CUL3: variants seen among roughly 807,000 people sequenced by gnomAD.
CUL3 encodes cullin-3.
Under a neutral mutation model 89.1 loss-of-function variants are expected in CUL3, and 19 were observed. That is an observed-to-expected ratio of 0.21 (90% CI 0.15 to 0.31). The LOEUF is 0.31. Among genes scored for constraint, CUL3 ranks in the 10% least tolerant of loss-of-function variants. CUL3 has a pLI of 1.00. For missense variants in CUL3, 469 were observed against 942.3 expected, an observed-to-expected ratio of 0.50 and a Z score of 6.58; for synonymous variants, 351 against 308.4, an observed-to-expected ratio of 1.14 and a Z score of -1.45.
chr2:224,501,705 T>A (rs1219783729), intron 10 of CUL3, among the ~76,000 whole-genome samples: 1 of 152,128 alleles, frequency 6.6e-6, no homozygotes, highest in African/African-American at 2.4e-5. Flanking sequence ...GAGGAGACTC[T>A]TAGATGGTGT....
intron 3 of CUL3, among the ~76,000 whole-genome samples, chr2:224,517,943 T>G (rs957278094): frequency 6.6e-6 from 1 of 152,154 alleles, no homozygotes; most frequent in Non-Finnish European, 1.5e-5. Flanking sequence ...TCACAAGATT[T>G]TATCAATTTA....
chr2:224,575,773 G>A (rs1204642959), intron 1 of CUL3, among the ~76,000 whole-genome samples: 2 of 152,102 alleles, frequency 1.3e-5, no homozygotes, highest in African/African-American at 2.4e-5. Context: ...ACAAACAGAA[G>A]AGCTAGGATA....
intron 13 of CUL3, among the ~76,000 whole-genome samples, chr2:224,486,968 A>C (rs998085484): frequency 6.6e-6 from 1 of 152,134 alleles, no homozygotes; most frequent in Admixed American, 6.5e-5. Context: ...ATATTCAACA[A>C]TCTTAAAGAG....
At chr2:224,557,362 G>A (rs1211822226) in intron 2 of CUL3, among the ~76,000 whole-genome samples, 5 of 137,012 alleles carry the variant, frequency 3.6e-5, no homozygotes, top group Non-Finnish European at 3.3e-5. Context: ...ATCATTTTAA[G>A]GAAAAAAATT....
chr2:224,510,290 GTTTT>G (rs1045204971), intron 6 of CUL3, among the ~76,000 whole-genome samples: 12 of 128,624 alleles, frequency 9.3e-5, no homozygotes, highest in African/African-American at 3.0e-4. Context: ...AGCCTCTCTA[GTTTT>G]TTTTGTTTTT....
intron 3 of CUL3, among the ~76,000 whole-genome samples, chr2:224,522,141 A>G (rs1693291155): frequency 6.6e-6 from 1 of 152,066 alleles, no homozygotes; most frequent in South Asian, 2.1e-4. Context: ...TTGCCTTACC[A>G]AATTTAATCA....
intron 2 of CUL3, among the ~76,000 whole-genome samples, chr2:224,550,622 A>G (rs1694478769): frequency 6.6e-6 from 1 of 152,206 alleles, no homozygotes; most frequent in African/African-American, 2.4e-5. Flanking sequence ...AGCCTAGCCA[A>G]GAGCCAAAAA....
At chr2:224,569,548 A>C in intron 1 of CUL3, 1 of 255,940 alleles carries the variant, frequency 3.9e-6, no homozygotes. Context: ...TCAGAAAAGT[A>C]TCAATAACAA....
chr2:224,492,340 GAAGTT>G (rs1692015031), intron 13 of CUL3, among the ~76,000 whole-genome samples: 1 of 151,982 alleles, frequency 6.6e-6, no homozygotes, highest in South Asian at 2.1e-4. Flanking sequence ...TCTATATTGT[GAAGTT>G]ATGTCCCTAA....
At position 224,470,568 on chromosome 2, in the gene CUL3, T is replaced by G. The variant is rs1691093463; in HGVS notation, c.*3677A>C. Reference sequence around the variant, plus strand: ...GGAAAGGCACACAAAGGAAAACATTTTGTAAAACTGTAGATTTGAATTTAA... The same window carrying G: ...GGAAAGGCACACAAAGGAAAACATTGTGTAAAACTGTAGATTTGAATTTAA... On this transcript the variant is annotated 3_prime_UTR_variant, in exon 16 of 16. Transcript: ENST00000264414. 1 of 231,726 alleles carries G rather than the reference T, an allele frequency of 4.3e-6. No individual in the cohort carries two copies. The highest frequency in any genetic ancestry group is 5.6e-5 in the Admixed American group (1 of 17,736). The allele number at this position is 231,726 out of a possible 1,614,324, so 14.4% of individuals were successfully genotyped here. A position where few individuals can be genotyped will look rare whatever the true frequency, so the allele number is the denominator to read the frequency against.
rs1359654604 is a variant in CUL3, at chr2:224,503,691, A to G, written c.1338T>C (p.Val446=). ...LARRLLTNKS[V]SDDSEKNMIS... ...TCATGTTTTTTTCAGAGTCATCAGA[A>G]ACACTTTTATTTGTGAGAAGTCTCC... Residue 446 remains valine (V), a synonymous_variant, in exon 9 of 16, where the codon GTT becomes GTC. Transcript: ENST00000264414. 6.3e-7 allele frequency: 1 copy of G among 1,599,576 alleles called. No individual in the cohort carries two copies. Among genetic ancestry groups the G allele is most frequent in the Non-Finnish European group, 8.5e-7 (1 of 1,176,038 alleles).
At chr2:224,550,696 G>A (rs1326354899) in intron 2 of CUL3, among the ~76,000 whole-genome samples, 1 of 152,080 alleles carries the variant, frequency 6.6e-6, no homozygotes, top group East Asian at 1.9e-4. Flanking sequence ...AGCAGGTAAC[G>A]TTCTTTCTAC....
intron 1 of CUL3, among the ~76,000 whole-genome samples, chr2:224,579,211 T>C (rs1695380435): frequency 6.6e-6 from 1 of 152,162 alleles, no homozygotes; most frequent in African/African-American, 2.4e-5. Flanking sequence ...ATGACAATAC[T>C]GGCTGTCCCA....
At chr2:224,506,709 TA>T in intron 7 of CUL3, 148 bp downstream of exon 7, 1 of 710,912 alleles carries the variant, frequency 1.4e-6, no homozygotes, top group Non-Finnish European at 2.2e-6. Flanking sequence ...TGCAAAATCC[TA>T]AAATATGTAG....
rs956964478 is a variant in CUL3 at position 224,571,445 on chromosome 2, A to G, written c.66+13499T>C. 3.5e-4 allele frequency among the ~76,000 whole-genome samples: 53 copies of G among 152,178 alleles called. 1 individual carries two copies. Among genetic ancestry groups the G allele is most frequent in the African/African-American group, 1.1e-3 (46 of 41,438 alleles). On this transcript the variant is annotated intron_variant, in intron 1 of 15. Transcript: ENST00000264414. Reference sequence around the variant, plus strand: ...AAACTCTATAAACTGTAAGACAATGACAAATTGATTGTACCTAAATCAATT... The same window carrying G: ...AAACTCTATAAACTGTAAGACAATGGCAAATTGATTGTACCTAAATCAATT...
rs750769729 is a variant in CUL3, at chr2:224,506,973, C to T, written c.914G>A (p.Arg305His). The part of the protein sequence containing the change: ...DLGCMYKLFS[R>H]VPNGLKTMCE... ...CATTGTTTTCAAACCATTTGGCACA[C>T]GACTAAATAACTTGTACATGCAACC... is the stretch of plus-strand genomic sequence containing the variant. Residue 305 changes from arginine to histidine, a missense_variant, in exon 7 of 16, where the codon CGT becomes CAT. This residue lies in a region of CUL3 where 370 missense variants were observed against 733.2 expected (regional missense o/e 0.50). Transcript: ENST00000264414. The T allele has an allele frequency of 8.1e-6, 13 of 1,612,834 alleles. No homozygotes were observed. The highest frequency in any genetic ancestry group is 1.0e-5 in the Non-Finnish European group (12 of 1,179,446).
chr2:224,506,244 A>G (rs907238468), intron 7 of CUL3, 112 bp from the exon 8 acceptor site: 55 of 663,660 alleles, frequency 8.3e-5, no homozygotes, highest in Middle Eastern at 3.7e-4. Flanking sequence ...ATGTATATTC[A>G]TTTTTAAACT....
At chr2:224,563,557 T>C (rs1259657933) in intron 1 of CUL3, among the ~76,000 whole-genome samples, 1 of 152,192 alleles carries the variant, frequency 6.6e-6, no homozygotes, top group Non-Finnish European at 1.5e-5. Flanking sequence ...CAGTTTCACC[T>C]TCCTTGGTTT....
chr2:224,514,873 C>A (rs2106223969), intron 3 of CUL3, 101 bp from the exon 4 acceptor site: 3 of 847,172 alleles, frequency 3.5e-6, no homozygotes, highest in Non-Finnish European at 5.3e-6. Context: ...CAAAAGCAAT[C>A]ATTTTTCAGG....
Sources: allele counts gnomAD v4.1 joint callset (sites outside exome capture counted in the v4.1 genomes callset), GRCh38; gene constraint gnomAD v4.1.1; regional missense constraint gnomAD v4.1.1; transcripts MANE v1.5; gene names NCBI Gene and HGNC (gene_info 2026-07-23, HGNC 2026-07-21).